BLTP3A: variants seen among roughly 807,000 people sequenced by gnomAD.
BLTP3A encodes the protein ICBP90 binding protein 1.
chr6:34,841,099 A>G, the BLTP3A span, among the ~76,000 whole-genome samples: 1 of 152,086 alleles, frequency 6.6e-6, no homozygotes, highest in Non-Finnish European at 1.5e-5. Flanking sequence ...CCGCCTGGGT[A>G]GCTGGGACTA....
the BLTP3A span, chr6:34,874,719 G>A: frequency 6.6e-6 from 1 of 152,282 alleles, no homozygotes; most frequent in Non-Finnish European, 1.5e-5. Flanking sequence ...AGAGATCAAT[G>A]TGCTGCTGTG....
At chr6:34,848,593 G>A in the BLTP3A span, among the ~76,000 whole-genome samples, 1 of 145,896 alleles carries the variant, frequency 6.9e-6, no homozygotes. Context: ...GCGACAGAGT[G>A]AGACTTGGTC....
At chr6:34,849,744 T>G in the BLTP3A span, among the ~76,000 whole-genome samples, 1 of 152,214 alleles carries the variant, frequency 6.6e-6, no homozygotes. Flanking sequence ...TAGCATTTCT[T>G]ATAGGACACA....
At chr6:34,872,180 G>T in the BLTP3A span, 4 of 1,147,806 alleles carry the variant, frequency 3.5e-6, no homozygotes, top group African/African-American at 4.7e-5. Context: ...TCTTAGAAAA[G>T]ATATGGTTAT....
At chr6:34,836,417 G>GAA in the BLTP3A span, 1 of 1,439,186 alleles carries the variant, frequency 6.9e-7, no homozygotes, top group Non-Finnish European at 9.6e-7. Context: ...AGAGCCTGGG[G>GAA]ATGAAGGCTC....
chr6:34,837,585 G>A, the BLTP3A span, among the ~76,000 whole-genome samples: 1 of 152,026 alleles, frequency 6.6e-6, no homozygotes, highest in Admixed American at 6.6e-5. Context: ...GGCTAAGGTG[G>A]GAGAATTGCT....
At chr6:34,848,112 G>A in the BLTP3A span, among the ~76,000 whole-genome samples, 3 of 146,454 alleles carry the variant, frequency 2.0e-5, no homozygotes, top group Non-Finnish European at 3.0e-5. Flanking sequence ...GTAGAGATGA[G>A]GTTTTGCCAT....
At chr6:34,871,262 C>A in the BLTP3A span, 1 of 1,056,582 alleles carries the variant, frequency 9.5e-7, no homozygotes, top group Non-Finnish European at 1.3e-6. Context: ...AATATTAATA[C>A]ATATTTGCAT....
At chr6:34,870,895 A>C in the BLTP3A span, 1 of 1,614,234 alleles carries the variant, frequency 6.2e-7, no homozygotes, top group Non-Finnish European at 8.5e-7. Context: ...GACTGGCCAC[A>C]TCAGGCCAGC....
At chr6:34,866,126 A>G in the BLTP3A span, among the ~76,000 whole-genome samples, 3 of 152,358 alleles carry the variant, frequency 2.0e-5, no homozygotes, top group Admixed American at 2.0e-4. Flanking sequence ...TCTAAAAGGA[A>G]AGAGAAGGCC....
At chr6:34,860,494 A>T in the BLTP3A span, among the ~76,000 whole-genome samples, 1 of 152,186 alleles carries the variant, frequency 6.6e-6, no homozygotes, top group Non-Finnish European at 1.5e-5. Context: ...GTGAGCTAGT[A>T]CCTGCTAGGA....
chr6:34,868,870 A>G, the BLTP3A span, among the ~76,000 whole-genome samples: 1 of 151,962 alleles, frequency 6.6e-6, no homozygotes, highest in African/African-American at 2.4e-5. Flanking sequence ...CAGCCTGGGC[A>G]ATAGAGCAAG....
At chr6:34,814,647 C>T in the BLTP3A span, among the ~76,000 whole-genome samples, 1 of 152,082 alleles carries the variant, frequency 6.6e-6, no homozygotes, top group African/African-American at 2.4e-5. Context: ...ACAGTATCCT[C>T]TGTGGTCTCT....
the BLTP3A span, among the ~76,000 whole-genome samples, chr6:34,842,891 T>C: frequency 6.6e-6 from 1 of 152,216 alleles, no homozygotes; most frequent in African/African-American, 2.4e-5. Flanking sequence ...TTGCCTGCCA[T>C]TGGCTGCTTT....
the BLTP3A span, chr6:34,821,766 C>T: frequency 6.2e-7 from 1 of 1,614,140 alleles, no homozygotes; most frequent in Non-Finnish European, 8.5e-7. Flanking sequence ...CTGGAGCTGC[C>T]CACCTGGTTA....
At chr6:34,869,640 CTTTTTTT>C in the BLTP3A span, among the ~76,000 whole-genome samples, 18 of 81,518 alleles carry the variant, frequency 2.2e-4, no homozygotes, top group African/African-American at 1.0e-3. Flanking sequence ...ACATACACCA[CTTTTTTT>C]TTTTTTTTTT....
the BLTP3A span, chr6:34,857,938 T>G: frequency 6.2e-7 from 1 of 1,604,410 alleles, no homozygotes. Flanking sequence ...AGTGTGACTT[T>G]TATCCCCTGT....
At chr6:34,846,129 C>A in the BLTP3A span, among the ~76,000 whole-genome samples, 2 of 122,568 alleles carry the variant, frequency 1.6e-5, no homozygotes, top group African/African-American at 6.2e-5. Context: ...CCTTCCCTTC[C>A]CTCCTTCCTT....
chr6:34,849,361 A>G, the BLTP3A span, among the ~76,000 whole-genome samples: 4 of 152,120 alleles, frequency 2.6e-5, no homozygotes, highest in Non-Finnish European at 5.9e-5. Context: ...GAGGCTTACA[A>G]ATAACATCTT....
Sources: gnomAD v4.1 joint callset for allele counts (sites outside exome capture counted in the v4.1 genomes callset) on GRCh38, gnomAD v4.1.1 for gene constraint, MANE v1.5 for transcripts, NCBI Gene and HGNC (gene_info 2026-07-23, HGNC 2026-07-21) for gene names.